The following FCRL1 variants were observed in gnomAD, a reference collection of about 807,000 sequenced individuals.
The protein encoded by FCRL1 is Fc receptor-like protein 1.
FCRL1 carries 34 observed loss-of-function variants against 49.2 expected under a neutral mutation model. The observed-to-expected ratio is 0.69, with a 90% CI of 0.53 to 0.92. The LOEUF is 0.92. FCRL1 is among the 40% of genes least tolerant of loss of function. The pLI is 0.00. For synonymous variants in FCRL1, 218 were observed against 201.6 expected (o/e 1.08, Z -0.69); for missense variants, 524 against 524.1 (o/e 1.00, Z 0.00).
rs6678324 is a variant in FCRL1 at position 157,797,603 on chromosome 1, A to G, written c.1186+265T>C. Reference sequence around the variant, plus strand: ...CGTGTTGGGAGGTCAGGAAGAGGTAAGCCATGGGATTTTTGCTCTTTCTAA... The same window carrying G: ...CGTGTTGGGAGGTCAGGAAGAGGTAGGCCATGGGATTTTTGCTCTTTCTAA... On this transcript the variant is annotated intron_variant, in intron 9 of 10. Coordinates refer to ENST00000368176, the MANE Select transcript of FCRL1 (RefSeq NM_052938.5). 0.012 allele frequency: 8,354 copies of G among 722,002 alleles called. 477 individuals carry two copies. In the African/African-American group the frequency reaches 0.13, roughly 11 times the overall value. The allele number at this position is 722,002 out of a possible 1,614,324, so 44.7% of individuals were successfully genotyped here. A position where few individuals can be genotyped will look rare whatever the true frequency, so the allele number is the denominator to read the frequency against.
At chr1:157,799,708 G>A (rs1652116365) in intron 7 of FCRL1, among the ~76,000 whole-genome samples, 2 of 151,980 alleles carry the variant, frequency 1.3e-5, no homozygotes, top group Non-Finnish European at 2.9e-5. Context: ...GAGTTAATGG[G>A]TGCAGCACAC....
At chr1:157,816,629 T>C (rs1655056467) in intron 1 of FCRL1, among the ~76,000 whole-genome samples, 1 of 151,720 alleles carries the variant, frequency 6.6e-6, no homozygotes, top group South Asian at 2.1e-4. Context: ...GGCATCCAAA[T>C]TGAGAAGGAA....
chr1:157,797,229 C>G (rs967196969), intron 9 of FCRL1, 97 bp from the exon 10 acceptor site: 2 of 1,124,886 alleles, frequency 1.8e-6, no homozygotes, highest in African/African-American at 3.1e-5. Context: ...CCATCTATTT[C>G]CCATGAATTG....
At chr1:157,813,749 C>T (rs958161814) in intron 1 of FCRL1, among the ~76,000 whole-genome samples, 91 of 152,016 alleles carry the variant, frequency 6.0e-4, no homozygotes, top group Non-Finnish European at 3.1e-4. Flanking sequence ...CTCAAAAATC[C>T]CCAAATAGAT....
In FCRL1 at chr1:157,807,108, G is replaced by T. The variant is rs1386100512; in HGVS notation, c.46C>A (p.Pro16Thr). The T allele has an allele frequency of 6.2e-7, 1 of 1,613,796 alleles. No individual in the cohort carries two copies. Among genetic ancestry groups the T allele is most frequent in the Non-Finnish European group, 8.5e-7 (1 of 1,179,848 alleles). Residue 16 changes from proline (P) to threonine (T), a missense_variant, in exon 2 of 11, where the codon CCT (proline) becomes ACT (threonine). Transcript: ENST00000368176. Reference sequence around the variant, plus strand: ...AAAAGGAAGTGCAACTCACCGGCAGGTTCACAGAGTGGAGCTGGGAGAGAA... The same window carrying T: ...AAAAGGAAGTGCAACTCACCGGCAGTTTCACAGAGTGGAGCTGGGAGAGAA... ...LLLICAPLCE[P>T]AELFLIASPS...
At position 157,807,093 on chromosome 1, in the gene FCRL1, G is replaced by A; in HGVS notation, c.52+9C>T. The A allele has an allele frequency of 1.9e-6, 3 of 1,613,796 alleles. No individual in the cohort carries two copies. The highest frequency in any genetic ancestry group is 2.5e-6 in the Non-Finnish European group (3 of 1,179,856). On this transcript the variant is annotated intron_variant, in intron 2 of 10. Coordinates refer to ENST00000368176, the MANE Select transcript of FCRL1 (RefSeq NM_052938.5). ...CAGACCTTGAAGAAGAAAAGGAAGT[G>A]CAACTCACCGGCAGGTTCACAGAGT... is the stretch of plus-strand genomic sequence containing the variant.
At position 157,801,920 on chromosome 1, in the gene FCRL1, A is replaced by G; in HGVS notation, c.881T>C (p.Phe294Ser). The G allele has an allele frequency of 6.2e-7, 1 of 1,612,592 alleles. No individual in the cohort carries two copies. Among genetic ancestry groups the G allele is most frequent in the Non-Finnish European group, 8.5e-7 (1 of 1,179,214 alleles). Reference sequence around the variant, plus strand: ...TTCCATAGCCTGAGCTATACCTGTGAAGTTGAGTGTCACCGCCTCACTGCG... The same window carrying G: ...TTCCATAGCCTGAGCTATACCTGTGGAGTTGAGTGTCACCGCCTCACTGCG... ...AQRSEAVTLN[F>S]TVPTGARSNH... Residue 294 changes from phenylalanine to serine, a missense_variant, in exon 5 of 11, where the codon TTC (phenylalanine) becomes TCC (serine). Coordinates refer to ENST00000368176, the MANE Select transcript of FCRL1 (RefSeq NM_052938.5).
At chr1:157,800,162 C>T in intron 6 of FCRL1, 77 bp from the exon 7 acceptor site, 1 of 1,427,674 alleles carries the variant, frequency 7.0e-7, no homozygotes, top group Non-Finnish European at 9.8e-7. Flanking sequence ...TTCATACCCC[C>T]TGCACAGGGA....
chr1:157,798,109 C>T, intron 8 of FCRL1, 52 bp downstream of exon 8: 1 of 1,570,214 alleles, frequency 6.4e-7, no homozygotes, highest in Non-Finnish European at 8.7e-7. Context: ...CCCATTGTCC[C>T]TTCCCTAGCT....
Position 157,796,063 on chromosome 1 carries a change from A to T in FCRL1, c.*36T>A, listed in dbSNP as rs745425530. The T allele has an allele frequency of 6.4e-7, 1 of 1,574,506 alleles. No individual in the cohort carries two copies. Among genetic ancestry groups the T allele is most frequent in the African/African-American group, 1.3e-5 (1 of 74,122 alleles). ...CATATCAGGCCTGAGGCTTGGGGTC[A>T]TGGATGGTTTTCAAAGAGCAGAATC... On this transcript the variant is annotated 3_prime_UTR_variant, in exon 11 of 11. Coordinates refer to ENST00000368176, the MANE Select transcript of FCRL1 (RefSeq NM_052938.5).
Position 157,804,110 on chromosome 1 carries a change from C to A in FCRL1, c.54G>T (p.Glu18Asp), listed in dbSNP as rs2101851703. The change falls in exon 3 of 11, where the codon GAG becomes GAT. Residue 18 changes from glutamate (E) to aspartate (D), a missense_variant and splice_region_variant. Glu to Asp is a conservative substitution (Grantham distance 45, BLOSUM62 2). Coordinates refer to ENST00000368176, the MANE Select transcript of FCRL1 (RefSeq NM_052938.5). The part of the protein sequence containing the change: ...LICAPLCEPA[E>D]LFLIASPSHP... The stretch of plus-strand genomic sequence containing the variant: ...GGGAGGGGCTGGCTATCAAAAACAG[C>A]TCTAGAGAGAGGAATTAAACACAAA... 6.2e-7 allele frequency: 1 copy of A among 1,613,534 alleles called. No homozygotes were observed. Among genetic ancestry groups the A allele is most frequent in the Non-Finnish European group, 8.5e-7 (1 of 1,179,782 alleles).
intron 7 of FCRL1, among the ~76,000 whole-genome samples, chr1:157,799,648 G>C (rs566934150): frequency 6.6e-6 from 1 of 151,988 alleles, no homozygotes; most frequent in Non-Finnish European, 1.5e-5. Flanking sequence ...TGTGGGGTGC[G>C]GGGGAGGAGG....
At position 157,813,404 on chromosome 1, in the gene FCRL1, A is replaced by C. The variant is rs139494490; in HGVS notation, c.32-6282T>G. The stretch of plus-strand genomic sequence containing the variant: ...AATTTGAAAACATATAGATATCATG[A>C]AAATAATCCAAACAGAATTCATAGA... On this transcript the variant is annotated intron_variant, in intron 1 of 10. Transcript: ENST00000368176. Among the ~76,000 whole-genome samples the C allele has an allele frequency of 7.6e-3, 1,154 of 152,338 alleles. 8 individuals carry two copies. Among genetic ancestry groups the C allele is most frequent in the African/African-American group, 0.027 (1,105 of 41,566 alleles).
intron 1 of FCRL1, among the ~76,000 whole-genome samples, chr1:157,813,374 C>T (rs570624181): frequency 1.4e-4 from 21 of 152,160 alleles, no homozygotes; most frequent in African/African-American, 4.8e-4. Context: ...ATGACCTAAA[C>T]AGGAAATTTG....
rs531921669 is a variant in FCRL1 at position 157,796,992 on chromosome 1, T to C, written c.1218+109A>G. The C allele has an allele frequency of 2.7e-4, 271 of 1,003,750 alleles. 2 individuals carry two copies. The Admixed American group carries it at 5.0e-3, about 18-fold the overall frequency. The allele number at this position is 1,003,750 out of a possible 1,614,324, so 62.2% of individuals were successfully genotyped here. ...ATTGCTTTGGGATGTAGGGAAGAGGTAGACCATGGGATTTTTGCTCTTTCT... is the reference window on the plus strand; with the variant it reads ...ATTGCTTTGGGATGTAGGGAAGAGGCAGACCATGGGATTTTTGCTCTTTCT... On this transcript the variant is annotated intron_variant, in intron 10 of 10. Transcript: ENST00000368176.
intron 1 of FCRL1, among the ~76,000 whole-genome samples, chr1:157,807,989 A>C (rs192427332): frequency 3.9e-5 from 6 of 152,288 alleles, no homozygotes; most frequent in African/African-American, 9.6e-5. Flanking sequence ...TGTCATTACT[A>C]TTATTTATTT....
At chr1:157,802,700 G>T (rs757368383) in intron 3 of FCRL1, 36 bp from the exon 4 acceptor site, 2 of 1,581,452 alleles carry the variant, frequency 1.3e-6, no homozygotes, top group South Asian at 1.1e-5. Context: ...AAGACCCTGT[G>T]CAGGGAGAGT....
In FCRL1 at chr1:157,816,016, C is replaced by T. The variant is rs117606754; in HGVS notation, c.31+3991G>A. On this transcript the variant is annotated intron_variant, in intron 1 of 10. Transcript: ENST00000368176. ...CTGATGGCTTCATTGCTGAATTCTA[C>T]CAAACATTTAAAGAACTAATACCAA... 3.0e-4 allele frequency among the ~76,000 whole-genome samples: 45 copies of T among 151,886 alleles called. No individual in the cohort carries two copies. In the East Asian group the frequency reaches 8.3e-3, roughly 28 times the overall value.
chr1:157,805,304 G>A (rs1268675590), intron 2 of FCRL1, among the ~76,000 whole-genome samples: 1 of 152,084 alleles, frequency 6.6e-6, no homozygotes, highest in Non-Finnish European at 1.5e-5. Flanking sequence ...CAGAGCCTCT[G>A]CCCCTTGAAA....
Sources: gnomAD v4.1 joint callset for allele counts (sites outside exome capture counted in the v4.1 genomes callset) on GRCh38, gnomAD v4.1.1 for gene constraint, MANE v1.5 for transcripts, NCBI Gene and HGNC (gene_info 2026-07-23, HGNC 2026-07-21) for gene names.